Variants in IPO13 observed in about 807,000 individuals in gnomAD.
IPO13 encodes importin 13.
IPO13 carries 28 observed loss-of-function variants against 115.5 expected under a neutral mutation model. The ratio of observed to expected loss-of-function variants is 0.24; its 90% CI spans 0.18 to 0.33. IPO13 has a LOEUF of 0.33. Ranked by LOEUF, IPO13 falls within the 10% of genes least tolerant of loss-of-function variation. The probability of loss-of-function intolerance (pLI) is 1.00; values close to 1 mark genes in which losing one functional copy is unlikely to be tolerated. For synonymous variants in IPO13, 414 were observed against 478.9 expected (o/e 0.86, Z 1.77); for missense variants, 785 against 1,204.6 (o/e 0.65, Z 5.16).
At chr1:43,949,296 C>T (rs2085189112) in intron 1 of IPO13, 121 bp from the exon 2 acceptor site, 1 of 1,068,874 alleles carries the variant, frequency 9.4e-7, no homozygotes, top group African/African-American at 1.6e-5. Flanking sequence ...CTGAGCTCTC[C>T]CTGCTCAGCC....
chr1:43,950,034 G>T lies in IPO13; in HGVS notation c.702G>T (p.Val234=). 6.2e-7 allele frequency: 1 copy of T among 1,613,644 alleles called. No homozygotes were observed. The highest frequency in any genetic ancestry group is 8.5e-7 in the Non-Finnish European group (1 of 1,179,948). ...KCFSSWVQLE[V]PLQDCEALIQ... is the part of the protein sequence containing the mutation. ...TCTCCAGCTGGGTGCAGCTGGAGGT[G>T]CCGCTGCAGGACTGTGAGGCGCTCA... The change falls in exon 2 of 20, where the codon GTG becomes GTT. Residue 234 remains valine, a synonymous_variant. Transcript: ENST00000372343.
In IPO13 at chr1:43,949,440, T is replaced by C. The variant is rs1212531312; in HGVS notation, c.108T>C (p.Asp36=). 6.2e-7 allele frequency: 1 copy of C among 1,611,184 alleles called. No homozygotes were observed. Among genetic ancestry groups the C allele is most frequent in the South Asian group, 1.1e-5 (1 of 90,976 alleles). The change falls in exon 2 of 20, where the codon GAT becomes GAC. Residue 36 remains aspartate (D), a synonymous_variant. Transcript: ENST00000372343. ...AGGCGCTGCACCAGCTCTACTATGATCCCAACATTGAGAATAAGAACCTGG... is the reference window on the plus strand; with the variant it reads ...AGGCGCTGCACCAGCTCTACTATGACCCCAACATTGAGAATAAGAACCTGG... ...VEKALHQLYY[D]PNIENKNLAQ... is the part of the protein sequence containing the mutation.
chr1:43,958,490 G>A lies in IPO13; in HGVS notation c.1779G>A (p.Ala593=), dbSNP rs375215304. ...KTSQCMWLMQ[A]LGFLLSALQV... ...GCCAGTGCATGTGGCTGATGCAGGC[G>A]CTGGGCTTCCTGCTGTCAGCTCTTC... is the stretch of plus-strand genomic sequence containing the variant. Residue 593 remains alanine, a synonymous_variant, in exon 10 of 20, where the codon GCG becomes GCA. Coordinates refer to ENST00000372343, the MANE Select transcript of IPO13 (RefSeq NM_014652.4). The surrounding 1 kb of genome is among the most constrained non-coding windows in gnomAD (Gnocchi z 6.3). 6.0e-5 allele frequency: 97 copies of A among 1,614,056 alleles called. No homozygotes were observed. In the Middle Eastern group the frequency reaches 6.6e-4, roughly 11 times the overall value.
intron 1 of IPO13, among the ~76,000 whole-genome samples, chr1:43,948,625 C>T (rs2085184373): frequency 6.6e-6 from 1 of 152,250 alleles, no homozygotes. Flanking sequence ...GGTCAGGGTC[C>T]TGGCCATACT....
chr1:43,956,324 G>T lies in IPO13; in HGVS notation c.826G>T (p.Val276Leu), dbSNP rs374570719. 8.7e-6 allele frequency: 14 copies of T among 1,614,038 alleles called. No individual in the cohort carries two copies. In the Admixed American group the frequency reaches 1.7e-4, roughly 19 times the overall value. ...TTTCTCACCTCATGCCTCTAGGTAC[G>T]TGAACACACTCCTGAAACTCATCCC... The part of the protein sequence containing the change: ...AISQPDAQRY[V>L]NTLLKLIPLV... Residue 276 changes from valine (V) to leucine (L), a missense_variant, in exon 3 of 20, where the codon GTG becomes TTG. Val to Leu is a conservative substitution (Grantham distance 32). Transcript: ENST00000372343. This position sits in a 1 kb window ranked among gnomAD's most constrained non-coding sequence, Gnocchi z 4.7.
rs1022390017 is a variant in IPO13, at chr1:43,947,482, C to A, written c.-119C>A. 5 of 520,004 alleles carry A rather than the reference C, an allele frequency of 9.6e-6. No individual in the cohort carries two copies. Among genetic ancestry groups the A allele is most frequent in the Non-Finnish European group, 1.5e-5 (5 of 335,194 alleles). The allele number at this position is 520,004 out of a possible 1,614,324, so 32.2% of individuals were successfully genotyped here. A position where few individuals can be genotyped will look rare whatever the true frequency, so the allele number is the denominator to read the frequency against. On this transcript the variant is annotated 5_prime_UTR_variant, in exon 1 of 20. Transcript: ENST00000372343. The stretch of plus-strand genomic sequence containing the variant: ...CTCGGCAGCCATGCCCGCCCTGGGC[C>A]CCCCCTCACCCCACCACTCCCTGGG...
Position 43,967,274 on chromosome 1 carries a change from AG to A in IPO13, c.2614-37del. On this transcript the variant is annotated intron_variant, in intron 18 of 19. Coordinates refer to ENST00000372343, the MANE Select transcript of IPO13 (RefSeq NM_014652.4). The surrounding 1 kb of genome is among the most constrained non-coding windows in gnomAD (Gnocchi z 6.1). The stretch of plus-strand genomic sequence containing the variant: ...GCATTCTTGCTGCAGAAGCGGCGGA[AG>A]GGGCAACACCCTGGTGTGCTGAGAA... 1 of 1,593,096 alleles carries A rather than the reference AG, an allele frequency of 6.3e-7. No homozygotes were observed.
intron 1 of IPO13, among the ~76,000 whole-genome samples, chr1:43,948,976 G>A (rs2085187000): frequency 1.3e-5 from 2 of 152,214 alleles, no homozygotes; most frequent in African/African-American, 2.4e-5. Context: ...ATGATCCTGG[G>A]GGAGCTGAAA....
intron 14 of IPO13, 105 bp from the exon 15 acceptor site, chr1:43,964,164 G>A: frequency 1.4e-6 from 1 of 730,080 alleles, no homozygotes; most frequent in Non-Finnish European, 2.4e-6. Context: ...CTGCTCATGT[G>A]CCCCCACGCT....
At chr1:43,950,970 T>G (rs1319459090) in intron 2 of IPO13, among the ~76,000 whole-genome samples, 3 of 152,194 alleles carry the variant, frequency 2.0e-5, no homozygotes, top group Non-Finnish European at 4.4e-5. Flanking sequence ...TTTGTCGCAT[T>G]GTGCTCGGCA....
chr1:43,964,603 G>T (rs1335429730), intron 15 of IPO13, among the ~76,000 whole-genome samples: 1 of 152,192 alleles, frequency 6.6e-6, no homozygotes, highest in Non-Finnish European at 1.5e-5. Context: ...AAGGGAGGGG[G>T]TGGTGACTGC....
chr1:43,964,408 T>C, intron 15 of IPO13, 87 bp downstream of exon 15: 2 of 1,175,730 alleles, frequency 1.7e-6, no homozygotes, highest in Non-Finnish European at 1.2e-6. Context: ...TATTTTTAGC[T>C]TTCTGTTGAC....
chr1:43,955,736 G>A (rs547004243), intron 2 of IPO13, among the ~76,000 whole-genome samples: 1 of 152,282 alleles, frequency 6.6e-6, no homozygotes, highest in African/African-American at 2.4e-5. Flanking sequence ...ACATTTTGAG[G>A]TACTGGGGAT....
intron 2 of IPO13, among the ~76,000 whole-genome samples, chr1:43,950,871 T>C (rs773690127): frequency 1.3e-5 from 2 of 152,264 alleles, no homozygotes; most frequent in Non-Finnish European, 2.9e-5. Flanking sequence ...TTCTCTCTTA[T>C]ATTACCTCAG....
At chr1:43,963,846 C>T (rs1206837489) in intron 14 of IPO13, among the ~76,000 whole-genome samples, 1 of 152,220 alleles carries the variant, frequency 6.6e-6, no homozygotes, top group Admixed American at 6.5e-5. Flanking sequence ...CCCACCCCCC[C>T]ACCGCCATCC....
At chr1:43,964,205 C>T in intron 14 of IPO13, 64 bp from the exon 15 acceptor site, 1 of 1,125,624 alleles carries the variant, frequency 8.9e-7, no homozygotes, top group Admixed American at 1.7e-5. Context: ...TCCCACATAA[C>T]TATATGAGGT....
At chr1:43,948,242 C>T (rs1392543742) in intron 1 of IPO13, among the ~76,000 whole-genome samples, 1 of 152,216 alleles carries the variant, frequency 6.6e-6, no homozygotes, top group East Asian at 1.9e-4. Context: ...CCTGGCCCTG[C>T]TGGGAGCCTT....
rs1264766528 is a variant in IPO13 at position 43,958,684 on chromosome 1, C to T, written c.1885-62C>T. 9.3e-6 allele frequency: 15 copies of T among 1,612,428 alleles called. No individual in the cohort carries two copies. Among genetic ancestry groups the T allele is most frequent in the Admixed American group, 3.3e-5 (2 of 59,968 alleles). The stretch of plus-strand genomic sequence containing the variant: ...GGAGCTGGCCCTCAGAGCTGAGGCT[C>T]AGTGATCTGGGGACCAAACTGGGGC... On this transcript the variant is annotated intron_variant, in intron 10 of 19. Transcript: ENST00000372343. The surrounding 1 kb of genome is among the most constrained non-coding windows in gnomAD (Gnocchi z 6.3).
At position 43,967,790 on chromosome 1, in the gene IPO13, C is replaced by T; in HGVS notation, c.*108C>T. On this transcript the variant is annotated 3_prime_UTR_variant, in exon 20 of 20. Coordinates refer to ENST00000372343, the MANE Select transcript of IPO13 (RefSeq NM_014652.4). This position sits in a 1 kb window ranked among gnomAD's most constrained non-coding sequence, Gnocchi z 6.1. ...GCCTCCTTTCTGCTGTCACCACCAC[C>T]TAACTGAAAGCCTGGGTCCAGAAGG... is the stretch of plus-strand genomic sequence containing the variant. The T allele has an allele frequency of 2.8e-6, 3 of 1,063,988 alleles. No individual in the cohort carries two copies. The highest frequency in any genetic ancestry group is 4.2e-6 in the Non-Finnish European group (3 of 707,658). 65.9% of individuals were successfully genotyped at this position (1,063,988 alleles called of 1,614,324 possible). A position where few individuals can be genotyped will look rare whatever the true frequency, so the allele number is the denominator to read the frequency against.
Sources: gnomAD v4.1 joint callset for allele counts (sites outside exome capture counted in the v4.1 genomes callset) on GRCh38, gnomAD v4.1.1 for gene constraint, Gnocchi (gnomAD v3.1) non-coding constraint, MANE v1.5 for transcripts, NCBI Gene and HGNC (gene_info 2026-07-23, HGNC 2026-07-21) for gene names.